Variants in FBXO17 observed in about 807,000 individuals in gnomAD.
The protein encoded by FBXO17 is F-box only protein 17.
In FBXO17, 43 loss-of-function variants were observed where a neutral mutation model predicts 34.1. The observed-to-expected ratio is 1.26, with a 90% CI of 0.99 to 1.62. The LOEUF (loss-of-function observed/expected upper bound fraction) is 1.62, where lower values mean the gene tolerates loss of function less well. FBXO17 is among the 40% of genes most tolerant of loss of function. The pLI is 0.00. For missense variants in FBXO17, 424 were observed against 386.7 expected (o/e 1.10, Z -0.81); for synonymous variants, 169 against 166.0 (o/e 1.02, Z -0.14).
intron 1 of FBXO17, among the ~76,000 whole-genome samples, chr19:38,963,790 T>C (rs74937277): frequency 1.1e-5 from 1 of 90,274 alleles, no homozygotes; most frequent in Non-Finnish European, 2.7e-5. Flanking sequence ...TTTTCTTTGC[T>C]TTTTTTTTTT....
At chr19:38,966,293 T>TTGTGTGTGTGTGTGTGTGTGTGTGTG (rs10569438) in intron 1 of FBXO17, among the ~76,000 whole-genome samples, 2 of 143,054 alleles carry the variant, frequency 1.4e-5, no homozygotes, top group South Asian at 2.3e-4. Context: ...ATTAAAAATT[T>TTGTGTGTGTGTGTGTGTGTGTGTGTG]TGTGTGTGTG....
chr19:38,972,977 C>T (rs1019075641), intron 1 of FBXO17, among the ~76,000 whole-genome samples: 1 of 152,138 alleles, frequency 6.6e-6, no homozygotes, highest in Non-Finnish European at 1.5e-5. Context: ...AGGCTGGTCT[C>T]GAACTCCTCA....
intron 1 of FBXO17, among the ~76,000 whole-genome samples, chr19:38,962,714 T>C (rs1001909010): frequency 1.3e-5 from 2 of 149,338 alleles, no homozygotes; most frequent in Admixed American, 7.0e-5. Flanking sequence ...TTCTTTTTTC[T>C]TTTTCTTTCC....
At chr19:38,973,706 G>C (rs1272777904) in intron 1 of FBXO17, among the ~76,000 whole-genome samples, 1 of 151,934 alleles carries the variant, frequency 6.6e-6, no homozygotes, top group Non-Finnish European at 1.5e-5. Flanking sequence ...TTTGGGCGCC[G>C]GTGGCTCACA....
At chr19:38,971,490 A>G (rs1266462622) in intron 1 of FBXO17, among the ~76,000 whole-genome samples, 1 of 152,198 alleles carries the variant, frequency 6.6e-6, no homozygotes, top group African/African-American at 2.4e-5. Flanking sequence ...TATCCCTAGA[A>G]AAATGGGTGG....
intron 1 of FBXO17, among the ~76,000 whole-genome samples, chr19:38,969,937 C>T (rs561563515): frequency 6.6e-6 from 1 of 151,922 alleles, no homozygotes; most frequent in South Asian, 2.1e-4. Flanking sequence ...GAAAATGTGC[C>T]TGCCCCATGA....
At chr19:38,965,087 G>C (rs1393555222) in intron 1 of FBXO17, among the ~76,000 whole-genome samples, 2 of 151,962 alleles carry the variant, frequency 1.3e-5, no homozygotes, top group African/African-American at 2.4e-5. Flanking sequence ...GGGATAGCAA[G>C]GACCATCAGA....
At chr19:38,963,159 C>T (rs941185965) in intron 1 of FBXO17, among the ~76,000 whole-genome samples, 1 of 152,134 alleles carries the variant, frequency 6.6e-6, no homozygotes, top group Non-Finnish European at 1.5e-5. Context: ...GACTGATACA[C>T]ACAGTATGTG....
At chr19:38,967,574 T>C (rs1340748837) in intron 1 of FBXO17, among the ~76,000 whole-genome samples, 2 of 152,098 alleles carry the variant, frequency 1.3e-5, no homozygotes, top group African/African-American at 4.8e-5. Context: ...TGCAATTTTT[T>C]TTTTTTTTTG....
At chr19:38,951,895 C>T (rs1016375034) in intron 1 of FBXO17, among the ~76,000 whole-genome samples, 4 of 151,990 alleles carry the variant, frequency 2.6e-5, no homozygotes, top group Non-Finnish European at 5.9e-5. Flanking sequence ...GTGATCCACC[C>T]ACCTCGGCCT....
intron 1 of FBXO17, chr19:38,952,473 G>A (rs552404911): frequency 1.9e-6 from 1 of 524,256 alleles, no homozygotes; most frequent in Admixed American, 2.0e-5. Context: ...CTCTCCTGTG[G>A]GCCTTCCAAG....
rs1975056466 is a variant in FBXO17, at chr19:38,950,130, C to T, written c.190G>A (p.Ala64Thr). Residue 64 changes from alanine to threonine, a missense_variant, in exon 2 of 6, where the codon GCC becomes ACC. By Grantham distance (58) the Ala-to-Thr change is moderately conservative. Coordinates refer to ENST00000292852, the MANE Select transcript of FBXO17 (RefSeq NM_024907.7). Reference protein sequence around the residue: ...DGPTVWLLQLARDRSAEGRAL... With the variant: ...DGPTVWLLQLTRDRSAEGRAL... ...CGGCCCTCGGCGCTGCGGTCGCGGG[C>T]CAGCTGCAGCAGCCACACAGTGGGC... 1 of 1,561,372 alleles carries T rather than the reference C, an allele frequency of 6.4e-7. No individual in the cohort carries two copies. Among genetic ancestry groups the T allele is most frequent in the Admixed American group, 1.9e-5 (1 of 53,724 alleles).
At chr19:38,946,120 G>A in intron 4 of FBXO17, 1 of 327,434 alleles carries the variant, frequency 3.1e-6, no homozygotes, top group Non-Finnish European at 5.7e-6. Flanking sequence ...TATGCTCCCT[G>A]AGCCTCAGCT....
intron 1 of FBXO17, among the ~76,000 whole-genome samples, chr19:38,956,693 C>T (rs1721582118): frequency 6.6e-6 from 1 of 151,970 alleles, no homozygotes; most frequent in Non-Finnish European, 1.5e-5. Context: ...CCAGCCTGGC[C>T]AACATGGTGA....
chr19:38,952,558 GA>G, intron 1 of FBXO17: 1 of 534,418 alleles, frequency 1.9e-6, no homozygotes, highest in African/African-American at 1.9e-5. Context: ...CCCCAGCGAT[GA>G]ATCTCATCAC....
intron 1 of FBXO17, among the ~76,000 whole-genome samples, chr19:38,959,378 A>G (rs1975216047): frequency 6.7e-6 from 1 of 149,720 alleles, no homozygotes; most frequent in African/African-American, 2.5e-5. Flanking sequence ...TCCTGGATTC[A>G]AGCAATTGTC....
At chr19:38,944,703 T>G in intron 5 of FBXO17, 1 of 474,936 alleles carries the variant, frequency 2.1e-6, no homozygotes, top group Non-Finnish European at 3.7e-6. Context: ...TTTGCTTCAC[T>G]GCTGCATTTC....
intron 1 of FBXO17, among the ~76,000 whole-genome samples, chr19:38,963,770 T>C (rs1975284466): frequency 6.6e-6 from 1 of 150,888 alleles, no homozygotes; most frequent in Non-Finnish European, 1.5e-5. Context: ...AGTGTTTGTG[T>C]GGACATATGT....
chr19:38,954,701 T>C (rs1466753682), intron 1 of FBXO17, among the ~76,000 whole-genome samples: 1 of 146,832 alleles, frequency 6.8e-6, no homozygotes, highest in Admixed American at 6.9e-5. Flanking sequence ...TGCCTCAGCC[T>C]CCTGAGTAGC....
Sources: allele counts gnomAD v4.1 joint callset (sites outside exome capture counted in the v4.1 genomes callset), GRCh38; gene constraint gnomAD v4.1.1; transcripts MANE v1.5; gene names NCBI Gene and HGNC (gene_info 2026-07-23, HGNC 2026-07-21).